FAM184B: variants seen among roughly 807,000 people sequenced by gnomAD.
FAM184B encodes the protein protein FAM184B.
FAM184B carries 111 observed loss-of-function variants against 135.9 expected under a neutral mutation model. The ratio of observed to expected loss-of-function variants is 0.82; its 90% CI spans 0.70 to 0.96. FAM184B has a LOEUF of 0.96. Ranked by LOEUF, FAM184B falls within the 40% of genes least tolerant of loss-of-function variation. The pLI is 0.00. For missense variants in FAM184B, 1,375 were observed against 1,323.9 expected (o/e 1.04, Z -0.60); for synonymous variants, 552 against 524.8 (o/e 1.05, Z -0.71).
intron 12 of FAM184B, among the ~76,000 whole-genome samples, chr4:17,647,030 G>T (rs577419238): frequency 1.3e-5 from 2 of 152,136 alleles, no homozygotes; most frequent in Non-Finnish European, 2.9e-5. Context: ...AGATCCAGAG[G>T]AGTAGCCCAG....
chr4:17,750,180 T>C (rs1718263272), intron 1 of FAM184B, among the ~76,000 whole-genome samples: 1 of 152,238 alleles, frequency 6.6e-6, no homozygotes, highest in African/African-American at 2.4e-5. Flanking sequence ...AAAACTGCTT[T>C]TGAAAATAGT....
Position 17,781,104 on chromosome 4 carries a change from C to A in FAM184B, c.141+55G>T, listed in dbSNP as rs1457802112. On this transcript the variant is annotated intron_variant, in intron 1 of 17. Transcript: ENST00000265018. The surrounding 1 kb of genome is among the most constrained non-coding windows in gnomAD (Gnocchi z 6.5). ...CCCGGGAGGCGCATCCGCACTGACT[C>A]CCGGCTCGGGCGCCCCGGGCGTGCA... is the stretch of plus-strand genomic sequence containing the variant. 3 of 1,464,622 alleles carry A rather than the reference C, an allele frequency of 2.0e-6. No homozygotes were observed. The highest frequency in any genetic ancestry group is 2.7e-6 in the Non-Finnish European group (3 of 1,106,766). 90.7% of individuals were successfully genotyped at this position (1,464,622 alleles called of 1,614,324 possible).
At chr4:17,696,814 A>AAGTG (rs1553836584) in intron 5 of FAM184B, among the ~76,000 whole-genome samples, 2 of 146,398 alleles carry the variant, frequency 1.4e-5, no homozygotes, top group African/African-American at 2.5e-5. Context: ...CCTTGTCTCT[A>AAGTG]AATGAATGAA....
rs746562763 is a variant in FAM184B at position 17,757,188 on chromosome 4, A to G, written c.141+23971T>C. Among the ~76,000 whole-genome samples, 39 of 152,342 alleles carry G rather than the reference A, an allele frequency of 2.6e-4. 1 individual carries two copies. In the South Asian group the frequency reaches 3.3e-3, roughly 13 times the overall value. Reference sequence around the variant, plus strand: ...ACAGAAGAACAGGTTACAGAGCATCATAAGTAATATCAGCAAAACCCAAAC... The same window carrying G: ...ACAGAAGAACAGGTTACAGAGCATCGTAAGTAATATCAGCAAAACCCAAAC... On this transcript the variant is annotated intron_variant, in intron 1 of 17. Coordinates refer to ENST00000265018, the MANE Select transcript of FAM184B (RefSeq NM_015688.2).
At chr4:17,679,955 T>A (rs1029850159) in intron 7 of FAM184B, among the ~76,000 whole-genome samples, 10 of 152,084 alleles carry the variant, frequency 6.6e-5, no homozygotes, top group Non-Finnish European at 1.0e-4. Flanking sequence ...TGTTCCCACT[T>A]ATAAGTGGGG....
chr4:17,738,921 G>A (rs948055808), intron 1 of FAM184B, among the ~76,000 whole-genome samples: 1 of 152,096 alleles, frequency 6.6e-6, no homozygotes, highest in Non-Finnish European at 1.5e-5. Flanking sequence ...CTCTGCACAC[G>A]CCAGCTCCCC....
chr4:17,747,427 TG>T (rs1439832910), intron 1 of FAM184B, among the ~76,000 whole-genome samples: 1 of 152,120 alleles, frequency 6.6e-6, no homozygotes, highest in Admixed American at 6.6e-5. Flanking sequence ...ATCTGTGATA[TG>T]GGTAGAGGTT....
chr4:17,655,542 T>C (rs569122008), intron 10 of FAM184B, among the ~76,000 whole-genome samples: 35 of 152,272 alleles, frequency 2.3e-4, no homozygotes, highest in Non-Finnish European at 4.0e-4. Context: ...AGGGACCTAG[T>C]TTCACCCTGT....
At chr4:17,701,148 G>T (rs1239546425) in intron 5 of FAM184B, among the ~76,000 whole-genome samples, 1 of 152,158 alleles carries the variant, frequency 6.6e-6, no homozygotes, top group Non-Finnish European at 1.5e-5. Context: ...CAGATTGTTT[G>T]TTCCCTGAAG....
chr4:17,777,676 A>T (rs892050569), intron 1 of FAM184B, among the ~76,000 whole-genome samples: 1 of 152,184 alleles, frequency 6.6e-6, no homozygotes, highest in Non-Finnish European at 1.5e-5. Flanking sequence ...ACAAAGACAA[A>T]ATCTTTTTTT....
rs3066609 is a variant in FAM184B at position 17,647,252 on chromosome 4, C to CT, written c.2346+384dup. ...ATGACCAAGTACCCAGAGCCCATCCCTTTTTTTTTTTTTTTTTTGAGACAG... is the reference window on the plus strand; with the variant it reads ...ATGACCAAGTACCCAGAGCCCATCCCTTTTTTTTTTTTTTTTTTTGAGACAG... On this transcript the variant is annotated intron_variant, in intron 12 of 17. Coordinates refer to ENST00000265018, the MANE Select transcript of FAM184B (RefSeq NM_015688.2). 1.5e-3 allele frequency among the ~76,000 whole-genome samples: 187 copies of CT among 128,942 alleles called. 3 individuals carry two copies. The highest frequency in any genetic ancestry group is 0.011 in the Middle Eastern group (3 of 264). 84.6% of individuals were successfully genotyped at this position (128,942 alleles called of 152,430 possible).
intron 1 of FAM184B, among the ~76,000 whole-genome samples, chr4:17,725,535 T>C (rs1187647034): frequency 2.0e-5 from 3 of 152,208 alleles, no homozygotes; most frequent in African/African-American, 7.2e-5. Flanking sequence ...TCAAATCTGG[T>C]AGCTGTCTTT....
intron 1 of FAM184B, among the ~76,000 whole-genome samples, chr4:17,750,424 A>G (rs1242432094): frequency 1.3e-5 from 2 of 152,230 alleles, no homozygotes; most frequent in South Asian, 2.1e-4. Context: ...ACATTCATAA[A>G]AGCAGTTTCA....
intron 6 of FAM184B, among the ~76,000 whole-genome samples, chr4:17,693,029 GCAGGC>G (rs10549360): frequency 0.59 from 89,729 of 150,904 alleles, 27,216 homozygotes; most frequent in East Asian, 0.87. Context: ...CAGGGGAACT[GCAGGC>G]TACCCACTTG....
chr4:17,669,441 T>C (rs959146294), intron 7 of FAM184B, among the ~76,000 whole-genome samples: 3 of 152,218 alleles, frequency 2.0e-5, no homozygotes, highest in Non-Finnish European at 4.4e-5. Context: ...GATGAGCATA[T>C]GTACTATTAC....
chr4:17,707,517 A>T, intron 3 of FAM184B, 132 bp downstream of exon 3: 1 of 1,175,140 alleles, frequency 8.5e-7, no homozygotes, highest in Non-Finnish European at 1.2e-6. Flanking sequence ...GGTCTCACCC[A>T]CCAGGCAGGT....
intron 7 of FAM184B, among the ~76,000 whole-genome samples, chr4:17,677,247 C>T (rs887533711): frequency 1.6e-4 from 24 of 151,988 alleles, no homozygotes; most frequent in African/African-American, 5.6e-4. Flanking sequence ...GGGGTTTTGC[C>T]GTGTTGCCCA....
chr4:17,711,157 A>G (rs1717258493), intron 1 of FAM184B, among the ~76,000 whole-genome samples: 1 of 151,744 alleles, frequency 6.6e-6, no homozygotes, highest in African/African-American at 2.4e-5. Context: ...TTTTGAGACC[A>G]GCCTGGGCAG....
intron 5 of FAM184B, among the ~76,000 whole-genome samples, chr4:17,696,649 G>T (rs540318068): frequency 6.6e-6 from 1 of 151,976 alleles, no homozygotes; most frequent in South Asian, 2.1e-4. Context: ...CTATCTCTAC[G>T]AAATTTTTAA....
Sources: allele counts gnomAD v4.1 joint callset (sites outside exome capture counted in the v4.1 genomes callset), GRCh38; gene constraint gnomAD v4.1.1; non-coding constraint Gnocchi (gnomAD v3.1); transcripts MANE v1.5; gene names NCBI Gene and HGNC (gene_info 2026-07-23, HGNC 2026-07-21).